Variants in SUGCT observed in about 807,000 individuals in gnomAD.
SUGCT encodes succinyl-CoA:glutarate-CoA transferase.
A neutral mutation model predicts 55.0 loss-of-function variants in SUGCT; 41 were observed. The observed-to-expected ratio is 0.74, with a 90% confidence interval of 0.58 to 0.97. The LOEUF is 0.97. Among genes scored for constraint, SUGCT ranks in the 50% least tolerant of loss-of-function variants. The pLI is 0.00. For synonymous variants in SUGCT, 187 were observed against 200.4 expected, an observed-to-expected ratio of 0.93 and a Z score of 0.56; for missense variants, 568 against 547.8, an observed-to-expected ratio of 1.04 and a Z score of -0.37.
the SUGCT span, among the ~76,000 whole-genome samples, chr7:40,908,473 T>A: frequency 2.6e-5 from 4 of 151,744 alleles, no homozygotes; most frequent in African/African-American, 9.7e-5. Context: ...ACCACTTTAT[T>A]CTATCAAATG....
intron 9 of SUGCT, among the ~76,000 whole-genome samples, chr7:40,348,683 C>T (rs1797456974): frequency 6.6e-6 from 1 of 152,268 alleles, no homozygotes. Context: ...TATGCCTCAT[C>T]AATGTTATTT....
At chr7:40,748,529 G>GT (rs1334907784) in intron 12 of SUGCT, among the ~76,000 whole-genome samples, 24 of 151,426 alleles carry the variant, frequency 1.6e-4, no homozygotes, top group South Asian at 8.3e-4. Flanking sequence ...GGTTTGTTTA[G>GT]TTTTTTTATG....
rs574347432 is a variant in SUGCT at position 40,597,051 on chromosome 7, G to A, written c.1089+100665G>A. The stretch of plus-strand genomic sequence containing the variant: ...ATGAAATCATGTTGTCTATTTCTGG[G>A]TAGAAATATTGAAGCACAGGGCTTC... On this transcript the variant is annotated intron_variant, in intron 12 of 13. Transcript: ENST00000335693. Among the ~76,000 whole-genome samples, 21 of 152,268 alleles carry A rather than the reference G, an allele frequency of 1.4e-4. 1 individual carries two copies. The highest frequency in any genetic ancestry group is 4.8e-4 in the African/African-American group (20 of 41,566).
At chr7:40,840,887 A>C in intron 13 of SUGCT, among the ~76,000 whole-genome samples, 1 of 58,532 alleles carries the variant, frequency 1.7e-5, no homozygotes, top group South Asian at 4.8e-4. Flanking sequence ...AAACACAGAC[A>C]TGTATTTGGG....
intron 13 of SUGCT, among the ~76,000 whole-genome samples, chr7:40,774,811 A>C (rs973329476): frequency 3.3e-5 from 5 of 151,884 alleles, no homozygotes; most frequent in African/African-American, 1.2e-4. Context: ...TTTGGTGTGA[A>C]CATCAAGAAA....
chr7:40,708,547 G>A (rs1460267141), intron 12 of SUGCT, among the ~76,000 whole-genome samples: 1 of 152,156 alleles, frequency 6.6e-6, no homozygotes, highest in African/African-American at 2.4e-5. Flanking sequence ...GCCCTTGGAG[G>A]CCTTCCGATC....
intron 9 of SUGCT, among the ~76,000 whole-genome samples, chr7:40,344,238 G>A (rs1324019062): frequency 6.6e-6 from 1 of 152,116 alleles, no homozygotes; most frequent in Admixed American, 6.6e-5. Context: ...TTATTTATTA[G>A]TATGTTTATT....
At chr7:40,390,920 T>C (rs977172582) in intron 9 of SUGCT, among the ~76,000 whole-genome samples, 8 of 152,220 alleles carry the variant, frequency 5.3e-5, no homozygotes, top group African/African-American at 1.7e-4. Flanking sequence ...AGCATGGTAC[T>C]GGTACCAAGA....
chr7:40,242,266 T>G (rs1437323321), intron 7 of SUGCT, among the ~76,000 whole-genome samples: 1 of 151,858 alleles, frequency 6.6e-6, no homozygotes, highest in Non-Finnish European at 1.5e-5. Flanking sequence ...CTCCACCTCC[T>G]GGGTTCAAGT....
chr7:40,598,993 G>A (rs953465109), intron 12 of SUGCT, among the ~76,000 whole-genome samples: 4 of 152,164 alleles, frequency 2.6e-5, no homozygotes, highest in African/African-American at 9.7e-5. Flanking sequence ...ACTTAATGGT[G>A]GCTGAAGAGT....
In SUGCT at chr7:40,586,726, G is replaced by A. The variant is rs114498856; in HGVS notation, c.1089+90340G>A. Reference sequence around the variant, plus strand: ...AATCTTCACAACAATACTCTAACTCGAAGAATATAAGTAATTTGCTCAAAG... The same window carrying A: ...AATCTTCACAACAATACTCTAACTCAAAGAATATAAGTAATTTGCTCAAAG... On this transcript the variant is annotated intron_variant, in intron 12 of 13. Coordinates refer to ENST00000335693, the MANE Select transcript of SUGCT (RefSeq NM_001193313.2). Among the ~76,000 whole-genome samples, 36 of 152,240 alleles carry A rather than the reference G, an allele frequency of 2.4e-4. 1 individual carries two copies. Among genetic ancestry groups the A allele is most frequent in the African/African-American group, 7.7e-4 (32 of 41,540 alleles).
the SUGCT span, among the ~76,000 whole-genome samples, chr7:40,939,595 T>C: frequency 6.6e-6 from 1 of 152,104 alleles, no homozygotes; most frequent in African/African-American, 2.4e-5. Context: ...TGAGGTAAGG[T>C]GGTATGTCAT....
chr7:40,393,381 G>T (rs180748337), intron 9 of SUGCT, among the ~76,000 whole-genome samples: 5 of 152,300 alleles, frequency 3.3e-5, no homozygotes, highest in Admixed American at 6.5e-5. Flanking sequence ...TTAGGGAATG[G>T]AGACAACTGG....
At chr7:40,349,748 C>T (rs912282659) in intron 9 of SUGCT, among the ~76,000 whole-genome samples, 1 of 152,216 alleles carries the variant, frequency 6.6e-6, no homozygotes, top group East Asian at 1.9e-4. Context: ...TCATGGCTCA[C>T]AGCAGTCTCT....
the SUGCT span, among the ~76,000 whole-genome samples, chr7:41,036,951 T>C: frequency 6.6e-6 from 1 of 152,214 alleles, no homozygotes; most frequent in Non-Finnish European, 1.5e-5. Context: ...ATTCACAGAC[T>C]CTAACTCAGA....
intron 9 of SUGCT, among the ~76,000 whole-genome samples, chr7:40,382,864 G>C (rs1185546001): frequency 6.6e-6 from 1 of 152,102 alleles, no homozygotes; most frequent in Non-Finnish European, 1.5e-5. Context: ...TATTTAGTGT[G>C]GAAACGTGAT....
chr7:40,231,674 A>G (rs1353286371), intron 6 of SUGCT, among the ~76,000 whole-genome samples: 1 of 152,212 alleles, frequency 6.6e-6, no homozygotes, highest in East Asian at 1.9e-4. Context: ...GCTGAGGCCA[A>G]AGAGTAGGTA....
intron 9 of SUGCT, among the ~76,000 whole-genome samples, chr7:40,353,785 G>A (rs1323545970): frequency 6.6e-6 from 1 of 152,098 alleles, no homozygotes; most frequent in Non-Finnish European, 1.5e-5. Context: ...AAACTTAAAT[G>A]TGTCTGAATT....
At chr7:41,021,820 G>A in the SUGCT span, among the ~76,000 whole-genome samples, 1 of 151,888 alleles carries the variant, frequency 6.6e-6, no homozygotes, top group Non-Finnish European at 1.5e-5. Context: ...AAACTTAAAG[G>A]ATAAACTCAA....
Sources: allele counts gnomAD v4.1 joint callset (sites outside exome capture counted in the v4.1 genomes callset), GRCh38; gene constraint gnomAD v4.1.1; transcripts MANE v1.5; gene names NCBI Gene and HGNC (gene_info 2026-07-23, HGNC 2026-07-21).